MUC4: variants seen among roughly 807,000 people sequenced by gnomAD.
MUC4 encodes the protein mucin 4, cell surface associated.
A neutral mutation model predicts 257.9 loss-of-function variants in MUC4; 202 were observed. That is an observed-to-expected ratio of 0.78 (90% CI 0.70 to 0.88). The LOEUF is 0.88. MUC4 is among the 40% of genes least tolerant of loss of function. The pLI is 0.00. For missense variants in MUC4, 5,976 were observed against 6,513.7 expected, an observed-to-expected ratio of 0.92 and a Z score of 2.84; for synonymous variants, 2,351 against 2,757.1, an observed-to-expected ratio of 0.85 and a Z score of 4.62.
In MUC4 at chr3:195,790,149, T is replaced by C. The variant is rs1370875721; in HGVS notation, c.1431A>G (p.Gln477=). ...ERSSFSPGVS[Q]EIFTLHETTT... ...TTGTTTCATGTAGAGTAAATATTTCTTGAGACACACCTGGAGAGAATGAGC... is the reference window on the plus strand; with the variant it reads ...TTGTTTCATGTAGAGTAAATATTTCCTGAGACACACCTGGAGAGAATGAGC... The change falls in exon 2 of 25, where the codon CAA becomes CAG. Residue 477 remains glutamine (Q), a synonymous_variant. Coordinates refer to ENST00000463781, the MANE Select transcript of MUC4 (RefSeq NM_018406.7). The C allele has an allele frequency of 3.7e-6, 6 of 1,613,928 alleles. No homozygotes were observed. Among genetic ancestry groups the C allele is most frequent in the Non-Finnish European group, 5.1e-6 (6 of 1,179,912 alleles).
At position 195,763,438 on chromosome 3, in the gene MUC4, C is replaced by T. The variant is rs74507812; in HGVS notation, c.14248G>A (p.Val4750Ile). ...TCCCGGCACCCCTCACTCACCGTGA[C>T]GGGGCCCAGGCTGCTGGAGCGGTAC... is the stretch of plus-strand genomic sequence containing the variant. ...AQYRSSSLGP[V>I]TVQWLLEPHD... The change falls in exon 12 of 25, where the codon GTC becomes ATC. Residue 4750 changes from valine to isoleucine, a missense_variant. This residue lies in a region of MUC4 where 996 missense variants were observed against 1,137.3 expected (regional missense o/e 0.88). Coordinates refer to ENST00000463781, the MANE Select transcript of MUC4 (RefSeq NM_018406.7). 0.013 allele frequency: 19,031 copies of T among 1,411,850 alleles called. 173 individuals are homozygous for T. The highest frequency in any genetic ancestry group is 0.016 in the Non-Finnish European group (17,137 of 1,078,408). The allele number at this position is 1,411,850 out of a possible 1,614,324, so 87.5% of individuals were successfully genotyped here. A position where few individuals can be genotyped will look rare whatever the true frequency, so the allele number is the denominator to read the frequency against.
At chr3:195,753,302 GC>G (rs1055068911) in intron 19 of MUC4, 72 bp from the exon 20 acceptor site, 39 of 1,466,098 alleles carry the variant, frequency 2.7e-5, no homozygotes, top group Non-Finnish European at 3.4e-5. Flanking sequence ...GTGGAAACCC[GC>G]TCCGGGACAG....
In MUC4 at chr3:195,761,469, C is replaced by A; in HGVS notation, c.14614+15G>T. ...CTCACCTGCCCCTCTGCCCCAGGAC[C>A]CTGCCCAGACTCACAGGTCATTCCA... On this transcript the variant is annotated intron_variant, in intron 15 of 24. Coordinates refer to ENST00000463781, the MANE Select transcript of MUC4 (RefSeq NM_018406.7). 6.2e-7 allele frequency: 1 copy of A among 1,606,766 alleles called. No homozygotes were observed. The highest frequency in any genetic ancestry group is 8.5e-7 in the Non-Finnish European group (1 of 1,173,456).
At chr3:195,799,198 T>TTCTG (rs1177678398) in intron 1 of MUC4, among the ~76,000 whole-genome samples, 2 of 151,482 alleles carry the variant, frequency 1.3e-5, no homozygotes, top group African/African-American at 2.4e-5. Context: ...TTTATGCCCG[T>TTCTG]TCTGTGTGTT....
Position 195,751,254 on chromosome 3 carries a change from C to T in MUC4, c.15600G>A (p.Gly5200=). ...GGAGAAAGGCCCGCATGTCCAGGGT[C>T]CCCAGTCTGTATGCCACCTAGGTTA... ...EVNASVAYRL[G]TLDMRAFLRN... is the part of the protein sequence containing the mutation. Residue 5200 remains glycine, a synonymous_variant, in exon 22 of 25, where the codon GGG becomes GGA. Transcript: ENST00000463781. 6.2e-7 allele frequency: 1 copy of T among 1,606,956 alleles called. No homozygotes were observed. The highest frequency in any genetic ancestry group is 8.5e-7 in the Non-Finnish European group (1 of 1,177,090).
At chr3:195,774,777 G>T (rs557325948) in intron 3 of MUC4, among the ~76,000 whole-genome samples, 146 of 151,860 alleles carry the variant, frequency 9.6e-4, no homozygotes, top group African/African-American at 3.3e-3. Context: ...GCGCATGCCT[G>T]TAATCCCAGC....
chr3:195,751,464 A>G (rs1021534258), intron 21 of MUC4, 193 bp from the exon 22 acceptor site: 4 of 611,540 alleles, frequency 6.5e-6, no homozygotes, highest in Non-Finnish European at 1.2e-5. Flanking sequence ...TCCTTGCTTA[A>G]TAATGTTTGT....
chr3:195,789,803 C>G lies in MUC4; in HGVS notation c.1777G>C (p.Ala593Pro). ...ATAGGTGAAGAAGATGGGGATGTGG[C>G]CGTTTTTATCATCTGAGTCACACTG... ...SYSVTQMIKT[A>P]TSPSSSPMLD... The change falls in exon 2 of 25, where the codon GCC (alanine) becomes CCC (proline). Residue 593 changes from alanine (A) to proline (P), a missense_variant. By Grantham distance (27) the Ala-to-Pro change is conservative. This residue lies in a region of MUC4 where 1,583 missense variants were observed against 1,257.4 expected (regional missense o/e 1.26). Transcript: ENST00000463781. 6.2e-7 allele frequency: 1 copy of G among 1,613,920 alleles called. No individual in the cohort carries two copies. Among genetic ancestry groups the G allele is most frequent in the Non-Finnish European group, 8.5e-7 (1 of 1,179,870 alleles).
chr3:195,763,613 G>A lies in MUC4; in HGVS notation c.14073C>T (p.Thr4691=), dbSNP rs1345400860. Residue 4691 remains threonine, a synonymous_variant, in exon 12 of 25, where the codon ACC becomes ACT. Coordinates refer to ENST00000463781, the MANE Select transcript of MUC4 (RefSeq NM_018406.7). ...AGGTGTAACTGACACCATCCAAGGT[G>A]GTGATGTGGGGGTCCCCGAACATCC... ...PAWMFGDPHI[T]TLDGVSYTFN... 1.3e-6 allele frequency: 2 copies of A among 1,553,956 alleles called. No individual in the cohort carries two copies. Among genetic ancestry groups the A allele is most frequent in the East Asian group, 2.3e-5 (1 of 42,604 alleles).
Position 195,784,070 on chromosome 3 carries a change from A to T in MUC4, c.7510T>A (p.Ser2504Thr). Residue 2504 changes from serine (S) to threonine (T), a missense_variant, in exon 2 of 25, where the codon TCA becomes ACA. Around this residue, in one of 44 missense-constraint regions of MUC4, gnomAD observed 135 missense variants for 114.7 expected, o/e 1.18. Transcript: ENST00000463781. ...TTRLPVTSPS[S>T]ASTGHTTPLP... ...GGGGTGGTGTGACCTGTAGATGCTG[A>T]GGAAGGGCTGGTGACAGGAAGACGG... 1.3e-6 allele frequency: 2 copies of T among 1,530,036 alleles called. No individual in the cohort carries two copies. Among genetic ancestry groups the T allele is most frequent in the South Asian group, 1.2e-5 (1 of 83,398 alleles). The allele number at this position is 1,530,036 out of a possible 1,614,324, so 94.8% of individuals were successfully genotyped here. A position where few individuals can be genotyped will look rare whatever the true frequency, so the allele number is the denominator to read the frequency against.
chr3:195,771,758 G>C lies in MUC4; in HGVS notation c.13136C>G (p.Pro4379Arg). 2 of 1,613,920 alleles carry C rather than the reference G, an allele frequency of 1.2e-6. No individual in the cohort carries two copies. The highest frequency in any genetic ancestry group is 1.7e-6 in the Non-Finnish European group (2 of 1,179,844). The change falls in exon 5 of 25, where the codon CCC becomes CGC. Residue 4379 changes from proline to arginine, a missense_variant. Around this residue, in one of 44 missense-constraint regions of MUC4, gnomAD observed 996 missense variants for 1,137.3 expected, o/e 0.88. Coordinates refer to ENST00000463781, the MANE Select transcript of MUC4 (RefSeq NM_018406.7). ...TGTGAAGCCTGTTGGGAGTGGGTTGGGGTAGGAGAAAATCTGGTAGTCTGA... is the reference window on the plus strand; with the variant it reads ...TGTGAAGCCTGTTGGGAGTGGGTTGCGGTAGGAGAAAATCTGGTAGTCTGA... Reference protein sequence around the residue: ...PESDYQIFSYPNPLPTGFTGR... With the variant: ...PESDYQIFSYRNPLPTGFTGR...
rs1359450920 is a variant in MUC4 at position 195,751,041 on chromosome 3, G to C, written c.15719C>G (p.Pro5240Arg). ...WMVISEFQYR[P>R]RGPVIDFLNN... ...CAGGAAGTCAATGACCGGGCCCCGA[G>C]GGCGGTACTGGAACTCCGAGATGAC... is the stretch of plus-strand genomic sequence containing the variant. Residue 5240 changes from proline (P) to arginine (R), a missense_variant, in exon 23 of 25, where the codon CCT becomes CGT. Transcript: ENST00000463781. 4 of 1,613,964 alleles carry C rather than the reference G, an allele frequency of 2.5e-6. No individual in the cohort carries two copies. Among genetic ancestry groups the C allele is most frequent in the Non-Finnish European group, 3.4e-6 (4 of 1,179,992 alleles).
At position 195,790,765 on chromosome 3, in the gene MUC4, G is replaced by C; in HGVS notation, c.815C>G (p.Ser272Cys). ...TGTCTCCCCTGGGTTTCCAAGAGTGGAGCCTGTGGAGGTTGTCACTGTTAT... is the reference window on the plus strand; with the variant it reads ...TGTCTCCCCTGGGTTTCCAAGAGTGCAGCCTGTGGAGGTTGTCACTGTTAT... ...EKITVTTSTG[S>C]TLGNPGETSS... Residue 272 changes from serine (S) to cysteine (C), a missense_variant, in exon 2 of 25, where the codon TCC (serine) becomes TGC (cysteine). Coordinates refer to ENST00000463781, the MANE Select transcript of MUC4 (RefSeq NM_018406.7). The C allele has an allele frequency of 6.2e-7, 1 of 1,614,018 alleles. No individual in the cohort carries two copies. Among genetic ancestry groups the C allele is most frequent in the Non-Finnish European group, 8.5e-7 (1 of 1,179,896 alleles).
In MUC4 at chr3:195,761,075, T is replaced by C; in HGVS notation, c.14657A>G (p.Gln4886Arg). 2 of 1,614,216 alleles carry C rather than the reference T, an allele frequency of 1.2e-6. No homozygotes were observed. Among genetic ancestry groups the C allele is most frequent in the Non-Finnish European group, 1.7e-6 (2 of 1,180,020 alleles). The change falls in exon 16 of 25, where the codon CAG (glutamine) becomes CGG (arginine). Residue 4886 changes from glutamine (Q) to arginine (R), a missense_variant. Physicochemically the swap from Gln to Arg is conservative, Grantham distance 43. Coordinates refer to ENST00000463781, the MANE Select transcript of MUC4 (RefSeq NM_018406.7). ...AACAGGGGTGAAGTTGGAAGGCAGCTGGTCATTCCTCTTGCCAAGGAGGCC... is the reference window on the plus strand; with the variant it reads ...AACAGGGGTGAAGTTGGAAGGCAGCCGGTCATTCCTCTTGCCAAGGAGGCC... ...GTGLLGKRND[Q>R]LPSNFTPVFY...
At position 195,782,560 on chromosome 3, in the gene MUC4, G is replaced by C. The variant is rs200153380; in HGVS notation, c.9020C>G (p.Thr3007Ser). 2.2e-6 allele frequency: 2 copies of C among 922,110 alleles called. No homozygotes were observed. Among genetic ancestry groups the C allele is most frequent in the Admixed American group, 5.4e-5 (2 of 37,260 alleles). The allele number at this position is 922,110 out of a possible 1,614,324, so 57.1% of individuals were successfully genotyped here. A position where few individuals can be genotyped will look rare whatever the true frequency, so the allele number is the denominator to read the frequency against. ...GGAAGTGTCGGTGACAGGAAGAGAG[G>C]TGGCGTGACCTATGGATGCTGAGGA... ...DTSSASIGHATSLPVTDTSSI... is the reference protein window; with the variant it reads ...DTSSASIGHASSLPVTDTSSI... The change falls in exon 2 of 25, where the codon ACC (threonine) becomes AGC (serine). Residue 3007 changes from threonine to serine, a missense_variant. Physicochemically the swap from Thr to Ser is moderately conservative, Grantham distance 58. Around this residue, in one of 44 missense-constraint regions of MUC4, gnomAD observed 68 missense variants for 50.2 expected, o/e 1.35. Transcript: ENST00000463781.
intron 23 of MUC4, among the ~76,000 whole-genome samples, chr3:195,749,320 AGGTTCCTAGGGAAAAAG>A (rs1171516535): frequency 1.6e-5 from 1 of 62,714 alleles, no homozygotes; most frequent in Non-Finnish European, 4.1e-5. Flanking sequence ...CTAGGGAAAA[AGGTTCCTAGGGAAAAAG>A]GTTCCTGTGG....
At position 195,764,124 on chromosome 3, in the gene MUC4, A is replaced by G; in HGVS notation, c.13965T>C (p.Asn4655=). The G allele has an allele frequency of 6.3e-7, 1 of 1,594,352 alleles. No homozygotes were observed. The highest frequency in any genetic ancestry group is 1.3e-5 in the African/African-American group (1 of 74,654). Residue 4655 remains asparagine (N), a synonymous_variant, in exon 11 of 25, where the codon AAT becomes AAC. Coordinates refer to ENST00000463781, the MANE Select transcript of MUC4 (RefSeq NM_018406.7). ...ACAGGGCACAGAGGTAGGGCTTGTCATTCCAGCGGCAGCACCAGCTCTGTG... is the reference window on the plus strand; with the variant it reads ...ACAGGGCACAGAGGTAGGGCTTGTCGTTCCAGCGGCAGCACCAGCTCTGTG... ...LEPQSWCCRW[N]DKPYLCALYQ...
At chr3:195,760,187 G>A (rs1045558069) in intron 16 of MUC4, among the ~76,000 whole-genome samples, 2 of 152,088 alleles carry the variant, frequency 1.3e-5, no homozygotes, top group Non-Finnish European at 2.9e-5. Context: ...AATATGTTGA[G>A]TAATTATAAA....
Position 195,781,901 on chromosome 3 carries a change from T to C in MUC4, c.9679A>G (p.Thr3227Ala), listed in dbSNP as rs1728313570. 2 of 786,264 alleles carry C rather than the reference T, an allele frequency of 2.5e-6. No individual in the cohort carries two copies. The highest frequency in any genetic ancestry group is 4.8e-4 in the Middle Eastern group (1 of 2,094). The allele number at this position is 786,264 out of a possible 1,614,324, so 48.7% of individuals were successfully genotyped here. The change falls in exon 2 of 25, where the codon ACA becomes GCA. Residue 3227 changes from threonine (T) to alanine (A), a missense_variant. Around this residue, in one of 44 missense-constraint regions of MUC4, gnomAD observed 28 missense variants for 79.1 expected, o/e 0.35. Transcript: ENST00000463781. ...LPVTSLSSVS[T>A]GDTTPLPVTS... ...ACAGGAAGAGGCGTGGTGTCACCTG[T>C]GGATACTGAGGAAAGGCTGGTGACA...
Sources: allele counts gnomAD v4.1 joint callset (sites outside exome capture counted in the v4.1 genomes callset), GRCh38; gene constraint gnomAD v4.1.1; regional missense constraint gnomAD v4.1.1; transcripts MANE v1.5; gene names NCBI Gene and HGNC (gene_info 2026-07-23, HGNC 2026-07-21).